GRIP2: variants seen among roughly 807,000 people sequenced by gnomAD.
GRIP2 encodes the protein glutamate receptor-interacting protein 2.
In GRIP2, 58 loss-of-function variants were observed where a neutral mutation model predicts 108.3. The ratio of observed to expected loss-of-function variants is 0.54; its 90% CI spans 0.43 to 0.67. The LOEUF (loss-of-function observed/expected upper bound fraction) is 0.67. Among genes scored for constraint, GRIP2 ranks in the 30% least tolerant of loss-of-function variants. GRIP2 has a pLI of 0.00. For synonymous variants in GRIP2, 586 were observed against 598.2 expected (o/e 0.98, Z 0.30); for missense variants, 1,278 against 1,430.6 (o/e 0.89, Z 1.72).
At position 14,517,113 on chromosome 3, in the gene GRIP2, T is replaced by G; in HGVS notation, c.1257A>C (p.Arg419=). 6.2e-7 allele frequency: 1 copy of G among 1,609,558 alleles called. No individual in the cohort carries two copies. Among genetic ancestry groups the G allele is most frequent in the Non-Finnish European group, 8.5e-7 (1 of 1,178,186 alleles). The change falls in exon 11 of 24, where the codon CGA becomes CGC. Residue 419 remains arginine (R), a synonymous_variant. Transcript: ENST00000621039. ...LPRGSQPMSP[R]TTMGRRRQRR... ...GCTGCCTCCTCCGCCCCATTGTAGT[T>G]CGAGGACTCATGGGCTGGGATCCAC...
intron 22 of GRIP2, among the ~76,000 whole-genome samples, chr3:14,496,185 A>G (rs892194393): frequency 6.6e-6 from 1 of 151,630 alleles, no homozygotes; most frequent in Non-Finnish European, 1.5e-5. Flanking sequence ...AAGTGGGGGG[A>G]AAAAAAGCAC....
At chr3:14,578,378 G>A in the GRIP2 span, among the ~76,000 whole-genome samples, 10,929 of 152,222 alleles carry the variant, frequency 0.072, 1,302 homozygotes, top group African/African-American at 0.25. Flanking sequence ...TCACAGGGTT[G>A]TCATGAGGAC....
Position 14,540,328 on chromosome 3 carries a change from G to C in GRIP2, c.-20C>G. 6.2e-7 allele frequency: 1 copy of C among 1,613,414 alleles called. No individual in the cohort carries two copies. The highest frequency in any genetic ancestry group is 1.1e-5 in the South Asian group (1 of 90,948). The stretch of plus-strand genomic sequence containing the variant: ...CAGCATGTTCGCTATTGTCTCCCCT[G>C]CTGCCCACCAACTCCCTCGGGAGCC... On this transcript the variant is annotated 5_prime_UTR_variant, in exon 1 of 24. Transcript: ENST00000621039. This position sits in a 1 kb window ranked among gnomAD's most constrained non-coding sequence, Gnocchi z 4.1.
Position 14,521,543 on chromosome 3 carries a change from A to G in GRIP2, c.712+99T>C. 1 of 1,317,468 alleles carries G rather than the reference A, an allele frequency of 7.6e-7. No homozygotes were observed. Among genetic ancestry groups the G allele is most frequent in the Non-Finnish European group, 1.0e-6 (1 of 969,690 alleles). The allele number at this position is 1,317,468 out of a possible 1,614,324, so 81.6% of individuals were successfully genotyped here. A position where few individuals can be genotyped will look rare whatever the true frequency, so the allele number is the denominator to read the frequency against. ...GTGACTGGCCCAAGGTCATAAGGTCATGCAGCCTTTGCAGTGGTAAAGATC... is the reference window on the plus strand; with the variant it reads ...GTGACTGGCCCAAGGTCATAAGGTCGTGCAGCCTTTGCAGTGGTAAAGATC... On this transcript the variant is annotated intron_variant, in intron 7 of 23. Transcript: ENST00000621039. The surrounding 1 kb of genome is among the most constrained non-coding windows in gnomAD (Gnocchi z 5.1).
At position 14,507,053 on chromosome 3, in the gene GRIP2, C is replaced by T; in HGVS notation, c.2219-73G>A. On this transcript the variant is annotated intron_variant, in intron 18 of 23. Coordinates refer to ENST00000621039, the MANE Select transcript of GRIP2 (RefSeq NM_001080423.4). The surrounding 1 kb of genome is among the most constrained non-coding windows in gnomAD (Gnocchi z 4.6). The stretch of plus-strand genomic sequence containing the variant: ...TGAGCCTCAGTTTCTGCATTTCAGC[C>T]TGGTCTGGAAACTCACAGGCAGTAA... 7.0e-7 allele frequency: 1 copy of T among 1,423,124 alleles called. No individual in the cohort carries two copies. The highest frequency in any genetic ancestry group is 9.5e-7 in the Non-Finnish European group (1 of 1,048,132). 88.2% of individuals were successfully genotyped at this position (1,423,124 alleles called of 1,614,324 possible). A position where few individuals can be genotyped will look rare whatever the true frequency, so the allele number is the denominator to read the frequency against.
the GRIP2 span, among the ~76,000 whole-genome samples, chr3:14,588,555 T>TG: frequency 6.6e-6 from 1 of 152,198 alleles, no homozygotes; most frequent in East Asian, 1.9e-4. Flanking sequence ...CCAGCCTCAC[T>TG]GTAAAATACA....
chr3:14,579,935 C>A, the GRIP2 span, among the ~76,000 whole-genome samples: 2 of 152,326 alleles, frequency 1.3e-5, 1 homozygote, highest in South Asian at 4.1e-4. Context: ...GCACTCGGTG[C>A]CATACGGGGT....
chr3:14,495,102 C>A (rs775358005), intron 22 of GRIP2, 113 bp from the exon 23 acceptor site: 4 of 1,385,476 alleles, frequency 2.9e-6, no homozygotes, highest in Non-Finnish European at 3.0e-6. Context: ...GCCACACCCC[C>A]CAGGCTGCAG....
Position 14,512,296 on chromosome 3 carries a change from A to G in GRIP2, c.1720+481T>C, listed in dbSNP as rs116536277. Among the ~76,000 whole-genome samples, 668 of 152,210 alleles carry G rather than the reference A, an allele frequency of 4.4e-3. 6 individuals carry two copies. Among genetic ancestry groups the G allele is most frequent in the African/African-American group, 0.014 (578 of 41,524 alleles). ...CTGGGGCCCGAGGCCCTCAGCTTTT[A>G]CTCAGAATAAGATGGGAGCCACGGG... On this transcript the variant is annotated intron_variant, in intron 14 of 23. Coordinates refer to ENST00000621039, the MANE Select transcript of GRIP2 (RefSeq NM_001080423.4). The surrounding 1 kb of genome is among the most constrained non-coding windows in gnomAD (Gnocchi z 5.1).
chr3:14,504,627 A>G (rs1693867323), intron 20 of GRIP2, among the ~76,000 whole-genome samples: 1 of 152,112 alleles, frequency 6.6e-6, no homozygotes, highest in South Asian at 2.1e-4. Flanking sequence ...GCTCTTTTAC[A>G]GGGGCACGCA....
At chr3:14,523,931 G>A (rs777506224) in intron 4 of GRIP2, 91 of 553,188 alleles carry the variant, frequency 1.6e-4, no homozygotes, top group Non-Finnish European at 1.9e-4. Flanking sequence ...TCACAGAGAC[G>A]ACGGCAGAAC....
At chr3:14,528,412 G>A (rs1694620286) in intron 1 of GRIP2, among the ~76,000 whole-genome samples, 1 of 152,212 alleles carries the variant, frequency 6.6e-6, no homozygotes, top group Non-Finnish European at 1.5e-5. Flanking sequence ...GGCATTGCTA[G>A]GTGGTATGGC....
the GRIP2 span, chr3:14,572,926 A>G: frequency 2.5e-5 from 34 of 1,363,026 alleles, no homozygotes; most frequent in Admixed American, 5.7e-4. Flanking sequence ...AACTCACACC[A>G]CTCACGGCAG....
At chr3:14,527,377 GGAAAGGAAAGGAAA>G (rs989754970) in intron 1 of GRIP2, among the ~76,000 whole-genome samples, 8 of 122,572 alleles carry the variant, frequency 6.5e-5, no homozygotes, top group South Asian at 3.5e-4. Flanking sequence ...TGAAAGGAAA[GGAAAGGAAAGGAAA>G]GAAAGGAAAG....
chr3:14,520,569 C>T, intron 7 of GRIP2, 32 bp from the exon 8 acceptor site: 2 of 1,612,068 alleles, frequency 1.2e-6, no homozygotes, highest in South Asian at 1.1e-5. Flanking sequence ...GTTTGAAATG[C>T]AAATACCGAG....
the GRIP2 span, among the ~76,000 whole-genome samples, chr3:14,596,676 G>A: frequency 1.3e-5 from 2 of 152,168 alleles, no homozygotes; most frequent in African/African-American, 4.8e-5. Context: ...AGTGCAAAGG[G>A]CTGGCAGGAA....
In GRIP2 at chr3:14,507,537, C is replaced by G; in HGVS notation, c.2218+24G>C. The G allele has an allele frequency of 1.9e-6, 3 of 1,609,044 alleles. No individual in the cohort carries two copies. The highest frequency in any genetic ancestry group is 2.6e-6 in the Non-Finnish European group (3 of 1,175,666). ...CCCTTCCTAAACCTGCTGGGTGGCT[C>G]CCAGGGGATGAAGCGAATCTCACGG... On this transcript the variant is annotated intron_variant, in intron 18 of 23. Transcript: ENST00000621039. This position sits in a 1 kb window ranked among gnomAD's most constrained non-coding sequence, Gnocchi z 4.6.
chr3:14,572,851 G>C, the GRIP2 span: 1 of 1,120,766 alleles, frequency 8.9e-7, no homozygotes, highest in Non-Finnish European at 1.3e-6. Flanking sequence ...CAGCCAGCTC[G>C]GTGGAGCTGA....
chr3:14,522,072 CCTGAAA>C lies in GRIP2; in HGVS notation c.567-291_567-286del. 1 of 426,724 alleles carries C rather than the reference CCTGAAA, an allele frequency of 2.3e-6. No individual in the cohort carries two copies. The highest frequency in any genetic ancestry group is 4.2e-6 in the Non-Finnish European group (1 of 240,706). 26.4% of individuals were successfully genotyped at this position (426,724 alleles called of 1,614,324 possible). A position where few individuals can be genotyped will look rare whatever the true frequency, so the allele number is the denominator to read the frequency against. ...GTAATTCACAGACTCAGTGCAGAAC[CCTGAAA>C]TGTCTGAGCTGGGGGTGCTCTTCAA... On this transcript the variant is annotated intron_variant, in intron 6 of 23. Coordinates refer to ENST00000621039, the MANE Select transcript of GRIP2 (RefSeq NM_001080423.4). This position sits in a 1 kb window ranked among gnomAD's most constrained non-coding sequence, Gnocchi z 4.3.
Sources: gnomAD v4.1 joint callset for allele counts (sites outside exome capture counted in the v4.1 genomes callset) on GRCh38, gnomAD v4.1.1 for gene constraint, Gnocchi (gnomAD v3.1) non-coding constraint, MANE v1.5 for transcripts, NCBI Gene and HGNC (gene_info 2026-07-23, HGNC 2026-07-21) for gene names.